The following PDZD2 variants were observed in gnomAD, a reference collection of about 807,000 sequenced individuals.
PDZD2 encodes the protein PDZ domain containing 2, also known as PDZ domain-containing protein 2.
PDZD2 carries 90 observed loss-of-function variants against 220.7 expected under a neutral mutation model. The observed-to-expected ratio is 0.41, with a 90% CI of 0.34 to 0.49. PDZD2 has a LOEUF of 0.49. Among genes scored for constraint, PDZD2 ranks in the 20% least tolerant of loss-of-function variants. The pLI is 0.28. For missense variants in PDZD2, 3,174 were observed against 3,608.5 expected (o/e 0.88, Z 3.08); for synonymous variants, 1,375 against 1,450.5 (o/e 0.95, Z 1.18).
chr5:31,691,343 G>A (rs1747116476), intron 1 of PDZD2, among the ~76,000 whole-genome samples: 1 of 152,182 alleles, frequency 6.6e-6, no homozygotes, highest in Admixed American at 6.5e-5. Context: ...TAAAGGCAGT[G>A]TGGACCCAAA....
intron 6 of PDZD2, among the ~76,000 whole-genome samples, chr5:32,026,866 T>C (rs1251271418): frequency 6.6e-6 from 1 of 152,170 alleles, no homozygotes; most frequent in Admixed American, 6.5e-5. Context: ...CTCCTTGACC[T>C]CCACATCCCC....
intron 2 of PDZD2, among the ~76,000 whole-genome samples, chr5:31,960,238 C>T (rs968963108): frequency 2.0e-5 from 3 of 150,990 alleles, no homozygotes; most frequent in African/African-American, 7.3e-5. Context: ...TTCTTTTTGA[C>T]GAAGTTTCAC....
chr5:32,057,597 G>A (rs1271971653), intron 10 of PDZD2, 58 bp from the exon 11 acceptor site: 3 of 1,011,714 alleles, frequency 3.0e-6, no homozygotes, highest in South Asian at 1.4e-5. Context: ...TGACTGAGCA[G>A]TTAAATTCCA....
At chr5:31,782,707 ATT>A (rs34166035) in intron 1 of PDZD2, among the ~76,000 whole-genome samples, 1,145 of 96,508 alleles carry the variant, frequency 0.012, 8 homozygotes, top group African/African-American at 0.038. Context: ...ACCACTTTAG[ATT>A]TTTTTTTTTT....
chr5:31,729,167 G>A (rs780765444), intron 1 of PDZD2, among the ~76,000 whole-genome samples: 3 of 146,240 alleles, frequency 2.1e-5, no homozygotes, highest in South Asian at 2.2e-4. Context: ...GCAATGGTGC[G>A]ATCTCGGCTA....
intron 1 of PDZD2, among the ~76,000 whole-genome samples, chr5:31,761,174 T>G (rs1415005999): frequency 6.6e-6 from 1 of 152,162 alleles, no homozygotes; most frequent in Admixed American, 6.6e-5. Context: ...AATGCGATGT[T>G]GTAGGTTCTT....
intron 19 of PDZD2, among the ~76,000 whole-genome samples, chr5:32,084,485 T>C (rs1294906825): frequency 6.6e-6 from 1 of 152,242 alleles, no homozygotes; most frequent in Non-Finnish European, 1.5e-5. Context: ...AACTCCTTAA[T>C]TATTGGAAAA....
At chr5:31,641,873 C>T (rs971883100) in intron 1 of PDZD2, among the ~76,000 whole-genome samples, 1 of 152,026 alleles carries the variant, frequency 6.6e-6, no homozygotes, top group Non-Finnish European at 1.5e-5. Context: ...TTATTTTTTT[C>T]ATACCCAGAT....
chr5:31,944,329 C>T (rs924888476), intron 2 of PDZD2, among the ~76,000 whole-genome samples: 7 of 152,124 alleles, frequency 4.6e-5, no homozygotes, highest in Non-Finnish European at 8.8e-5. Context: ...CCCAGGACAG[C>T]GTGGTATGTT....
At chr5:31,994,728 C>T (rs1386071049) in intron 3 of PDZD2, among the ~76,000 whole-genome samples, 1 of 152,094 alleles carries the variant, frequency 6.6e-6, no homozygotes, top group Non-Finnish European at 1.5e-5. Flanking sequence ...CTCAGGTGAT[C>T]CACCTGCCTC....
chr5:31,668,282 G>A (rs1746083217), intron 1 of PDZD2, among the ~76,000 whole-genome samples: 2 of 152,180 alleles, frequency 1.3e-5, no homozygotes, highest in South Asian at 4.1e-4. Flanking sequence ...CAGCCTTGTG[G>A]CCCCTGTTCA....
At chr5:31,768,934 G>A (rs1391383072) in intron 1 of PDZD2, among the ~76,000 whole-genome samples, 2 of 152,200 alleles carry the variant, frequency 1.3e-5, no homozygotes, top group South Asian at 2.1e-4. Context: ...TTTCCTAAAG[G>A]TGGGGACAAT....
At chr5:31,826,647 G>A (rs1286842693) in intron 2 of PDZD2, among the ~76,000 whole-genome samples, 4 of 150,690 alleles carry the variant, frequency 2.7e-5, no homozygotes, top group African/African-American at 9.8e-5. Context: ...CTGCACTCCA[G>A]CCCGGGTGAC....
At chr5:31,772,258 C>T (rs10035768) in intron 1 of PDZD2, among the ~76,000 whole-genome samples, 4,430 of 152,200 alleles carry the variant, frequency 0.029, 210 homozygotes, top group African/African-American at 0.099. Context: ...AAGTCACCTT[C>T]AGTTACCTGT....
chr5:31,949,691 A>G (rs561697830), intron 2 of PDZD2, among the ~76,000 whole-genome samples: 30 of 145,332 alleles, frequency 2.1e-4, no homozygotes, highest in African/African-American at 6.7e-4. Context: ...TTTTTTTAAC[A>G]AGACGGAATC....
intron 10 of PDZD2, among the ~76,000 whole-genome samples, chr5:32,055,366 TA>T (rs1738998317): frequency 6.6e-6 from 1 of 151,962 alleles, no homozygotes; most frequent in Non-Finnish European, 1.5e-5. Flanking sequence ...TGTGCCCAGC[TA>T]AATTTTTTTT....
At chr5:31,868,246 G>A (rs1482837630) in intron 2 of PDZD2, among the ~76,000 whole-genome samples, 1 of 152,078 alleles carries the variant, frequency 6.6e-6, no homozygotes, top group African/African-American at 2.4e-5. Context: ...GCAGTTCAAG[G>A]CCAGCCTAGC....
At chr5:31,648,438 A>G (rs559758656) in intron 1 of PDZD2, among the ~76,000 whole-genome samples, 2 of 151,504 alleles carry the variant, frequency 1.3e-5, no homozygotes, top group South Asian at 4.2e-4. Context: ...ACTAGAAACC[A>G]CTCTTCATTC....
At chr5:31,880,791 CTTTTTTTTTTTTTTT>C (rs1037018187) in intron 2 of PDZD2, among the ~76,000 whole-genome samples, 6 of 76,486 alleles carry the variant, frequency 7.8e-5, no homozygotes, top group Admixed American at 1.4e-4. Context: ...TTTTTTTTTT[CTTTTTTTTTTTTTTT>C]TTTTTTTTTT....
Sources: gnomAD v4.1 joint callset for allele counts (sites outside exome capture counted in the v4.1 genomes callset) on GRCh38, gnomAD v4.1.1 for gene constraint, MANE v1.5 for transcripts, NCBI Gene and HGNC (gene_info 2026-07-23, HGNC 2026-07-21) for gene names.